CRAT: variants seen among roughly 807,000 people sequenced by gnomAD.
CRAT encodes carnitine acetylase.
CRAT carries 66 observed loss-of-function variants against 73.7 expected under a neutral mutation model. The observed-to-expected ratio is 0.90, with a 90% CI of 0.73 to 1.10. The LOEUF is 1.10. Ranked by LOEUF, CRAT falls within the 50% of genes least tolerant of loss-of-function variation. The pLI is 0.00. For synonymous variants in CRAT, 321 were observed against 343.2 expected, an observed-to-expected ratio of 0.94 and a Z score of 0.71; for missense variants, 745 against 846.9, an observed-to-expected ratio of 0.88 and a Z score of 1.49.
intron 2 of CRAT, among the ~76,000 whole-genome samples, chr9:129,105,847 T>A (rs1847979772): frequency 6.6e-6 from 1 of 151,946 alleles, no homozygotes; most frequent in South Asian, 2.1e-4. Flanking sequence ...GTCTGTCCTC[T>A]CTCTGGGGGG....
intron 1 of CRAT, chr9:129,108,800 C>T (rs1372924641): frequency 7.7e-7 from 1 of 1,304,294 alleles, no homozygotes; most frequent in Non-Finnish European, 1.0e-6. Context: ...CATGGCAGGA[C>T]TGAGGTTCTG....
chr9:129,103,543 T>C lies in CRAT; in HGVS notation c.411-477A>G, dbSNP rs897763971. 1.3e-5 allele frequency among the ~76,000 whole-genome samples: 2 copies of C among 152,120 alleles called. No individual in the cohort carries two copies. The highest frequency in any genetic ancestry group is 2.9e-5 in the Non-Finnish European group (2 of 68,000). Reference sequence around the variant, plus strand: ...GTCCCTTCCCCACTCTGGGCCTCTGTGTCCCCCAGGCCGCCTTCCTCCCAG... The same window carrying C: ...GTCCCTTCCCCACTCTGGGCCTCTGCGTCCCCCAGGCCGCCTTCCTCCCAG... On this transcript the variant is annotated intron_variant, in intron 3 of 13. Transcript: ENST00000318080. This position sits in a 1 kb window ranked among gnomAD's most constrained non-coding sequence, Gnocchi z 4.6.
In CRAT at chr9:129,106,442, C is replaced by T. The variant is rs1848017799; in HGVS notation, c.291+1372G>A. 6.6e-6 allele frequency among the ~76,000 whole-genome samples: 1 copy of T among 152,078 alleles called. No homozygotes were observed. The highest frequency in any genetic ancestry group is 2.4e-5 in the African/African-American group (1 of 41,416). ...AAGCTTGGGAGACCAGAGGAGACCC[C>T]GCAGGTATGGGTACTCCCCCAGCGA... On this transcript the variant is annotated intron_variant, in intron 2 of 13. Transcript: ENST00000318080. The surrounding 1 kb of genome is among the most constrained non-coding windows in gnomAD (Gnocchi z 4.0).
chr9:129,098,713 A>C, intron 8 of CRAT, 63 bp from the exon 9 acceptor site: 1 of 1,546,714 alleles, frequency 6.5e-7, no homozygotes, highest in Non-Finnish European at 8.7e-7. Flanking sequence ...CCATTCTGGG[A>C]CCAGGGTGGG....
rs755266497 is a variant in CRAT at position 129,098,065 on chromosome 9, G to T, written c.1412C>A (p.Ala471Asp). The T allele has an allele frequency of 3.7e-6, 6 of 1,614,072 alleles. No homozygotes were observed. Among genetic ancestry groups the T allele is most frequent in the Middle Eastern group, 3.3e-4 (2 of 6,060 alleles). Residue 471 changes from alanine (A) to aspartate (D), a missense_variant, in exon 11 of 14, where the codon GCT becomes GAT. Coordinates refer to ENST00000318080, the MANE Select transcript of CRAT (RefSeq NM_000755.5). ...GACAAAGGTGAGTGAGTCCATGGAA[G>T]CCGAGCGGATGGTGTCGGTGCGGCC... ...HLGRTDTIRS[A>D]SMDSLTFVKA...
rs200562096 is a variant in CRAT at position 129,099,989 on chromosome 9, C to T, written c.985-23G>A. ...GAACTGTGGAAGGGAAGGGAGACCC[C>T]GGTCAGCCCCAGGGCCCTGGGGGGT... On this transcript the variant is annotated intron_variant, in intron 7 of 13. Coordinates refer to ENST00000318080, the MANE Select transcript of CRAT (RefSeq NM_000755.5). The T allele has an allele frequency of 4.9e-4, 796 of 1,608,724 alleles. 4 individuals carry two copies. The African/African-American group carries it at 6.8e-3, about 14-fold the overall frequency.
At position 129,102,038 on chromosome 9, in the gene CRAT, T is replaced by C; in HGVS notation, c.650A>G (p.Tyr217Cys). 1 of 1,614,042 alleles carries C rather than the reference T, an allele frequency of 6.2e-7. No individual in the cohort carries two copies. Among genetic ancestry groups the C allele is most frequent in the Non-Finnish European group, 8.5e-7 (1 of 1,179,956 alleles). ...HNYQFFELDV[Y>C]HSDGTPLTAD... ...AGTGAGGGGTGTCCCGTCACTGTGGTACACATCCAGCTCAAAAAACTGTTG... is the reference window on the plus strand; with the variant it reads ...AGTGAGGGGTGTCCCGTCACTGTGGCACACATCCAGCTCAAAAAACTGTTG... The change falls in exon 6 of 14, where the codon TAC (tyrosine) becomes TGC (cysteine). Residue 217 changes from tyrosine (Y) to cysteine (C), a missense_variant. Tyr to Cys is a radical substitution (Grantham distance 194). Coordinates refer to ENST00000318080, the MANE Select transcript of CRAT (RefSeq NM_000755.5).
rs1848120162 is a variant in CRAT, at chr9:129,107,936, T to C, written c.169A>G (p.Ile57Val). The C allele has an allele frequency of 1.2e-6, 2 of 1,609,884 alleles. No individual in the cohort carries two copies. The highest frequency in any genetic ancestry group is 1.7e-6 in the Non-Finnish European group (2 of 1,179,762). ...TGGGCCCACTCCTCCTCACTCACGA[T>C]GGGCTGCAGCGCCTTCAGGTAGTGG... ...LDHYLKALQP[I>V]VSEEEWAHTK... is the part of the protein sequence containing the mutation. The change falls in exon 2 of 14, where the codon ATC (isoleucine) becomes GTC (valine). Residue 57 changes from isoleucine to valine, a missense_variant. By Grantham distance (29) the Ile-to-Val change is conservative (BLOSUM62 3). Transcript: ENST00000318080. This position sits in a 1 kb window ranked among gnomAD's most constrained non-coding sequence, Gnocchi z 5.0.
chr9:129,097,909 A>G (rs1847382228), intron 11 of CRAT, 104 bp downstream of exon 11: 3 of 1,492,644 alleles, frequency 2.0e-6, no homozygotes, highest in African/African-American at 1.4e-5. Flanking sequence ...CGTGCCCACC[A>G]TGGGGCTGGA....
At chr9:129,104,146 G>C in intron 3 of CRAT, 42 bp downstream of exon 3, 2 of 1,486,090 alleles carry the variant, frequency 1.3e-6, no homozygotes, top group Non-Finnish European at 1.8e-6. Flanking sequence ...GTGAACTCGA[G>C]GGGCCCGGCT....
chr9:129,105,841 G>T (rs1847979301), intron 2 of CRAT, among the ~76,000 whole-genome samples: 1 of 152,118 alleles, frequency 6.6e-6, no homozygotes, highest in Admixed American at 6.5e-5. Context: ...CTGACGGTCT[G>T]TCCTCTCTCT....
Position 129,106,479 on chromosome 9 carries a change from G to A in CRAT, c.291+1335C>T, listed in dbSNP as rs1440661399. On this transcript the variant is annotated intron_variant, in intron 2 of 13. Transcript: ENST00000318080. The surrounding 1 kb of genome is among the most constrained non-coding windows in gnomAD (Gnocchi z 4.0). ...TACTCCCCCAGCGAGAATCTGCCAG[G>A]TGGTGGCGGAGACCCTTCGGTGGCC... Among the ~76,000 whole-genome samples the A allele has an allele frequency of 6.6e-6, 1 of 152,182 alleles. No homozygotes were observed. The highest frequency in any genetic ancestry group is 1.5e-5 in the Non-Finnish European group (1 of 68,030).
In CRAT at chr9:129,096,126, C is replaced by T. The variant is rs766160049; in HGVS notation, c.1537G>A (p.Gly513Arg). The T allele has an allele frequency of 3.1e-6, 5 of 1,613,058 alleles. No homozygotes were observed. Among genetic ancestry groups the T allele is most frequent in the Admixed American group, 1.7e-5 (1 of 60,014 alleles). Residue 513 changes from glycine to arginine, a missense_variant, in exon 13 of 14, where the codon GGG becomes AGG. Coordinates refer to ENST00000318080, the MANE Select transcript of CRAT (RefSeq NM_000755.5). ...AGCAGGTGTCGATCAAAGGCCTCCC[C>T]GCGGATGGCCTGTTGGGGTGGGAGA... ...HRGYTDRAIR[G>R]EAFDRHLLGL...
intron 8 of CRAT, 151 bp from the exon 9 acceptor site, chr9:129,098,801 T>A (rs532346629): frequency 3.7e-5 from 27 of 721,836 alleles, no homozygotes; most frequent in East Asian, 2.1e-4. Flanking sequence ...TCACTTCAGC[T>A]TTTTTTTCTT....
At chr9:129,100,241 C>T in intron 7 of CRAT, 1 of 581,536 alleles carries the variant, frequency 1.7e-6, no homozygotes, top group Non-Finnish European at 3.0e-6. Context: ...ACTGTTGTGC[C>T]AGGATTGCAC....
chr9:129,098,709 T>G (rs907417692), intron 8 of CRAT, 59 bp from the exon 9 acceptor site: 2 of 1,553,724 alleles, frequency 1.3e-6, no homozygotes, highest in Admixed American at 4.5e-5. Context: ...GGGTCCATTC[T>G]GGGACCAGGG....
chr9:129,101,124 C>A (rs150744941), intron 6 of CRAT, among the ~76,000 whole-genome samples: 86 of 152,306 alleles, frequency 5.6e-4, no homozygotes, highest in Admixed American at 2.9e-3. Context: ...AGGACTTGGA[C>A]TCTAATCCTA....
At position 129,095,579 on chromosome 9, in the gene CRAT, C is replaced by G; in HGVS notation, c.1699G>C (p.Gly567Arg). ...CCGTAGCCGTCGGGGACCACGGGCC[C>G]GAAGAACATGACACAGTCTGTCTTG... ...PAKTDCVMFF[G>R]PVVPDGYGVC... is the part of the protein sequence containing the mutation. The change falls in exon 14 of 14, where the codon GGG (glycine) becomes CGG (arginine). Residue 567 changes from glycine to arginine, a missense_variant. Coordinates refer to ENST00000318080, the MANE Select transcript of CRAT (RefSeq NM_000755.5). The G allele has an allele frequency of 1.9e-6, 3 of 1,613,176 alleles. No homozygotes were observed. The highest frequency in any genetic ancestry group is 1.1e-5 in the South Asian group (1 of 91,074).
At position 129,098,059 on chromosome 9, in the gene CRAT, A is replaced by G. The variant is rs1847394620; in HGVS notation, c.1418T>C (p.Met473Thr). ...GRTDTIRSASMDSLTFVKAMD... is the reference protein window; with the variant it reads ...GRTDTIRSASTDSLTFVKAMD... ...GGCCTTGACAAAGGTGAGTGAGTCC[A>G]TGGAAGCCGAGCGGATGGTGTCGGT... is the stretch of plus-strand genomic sequence containing the variant. The change falls in exon 11 of 14, where the codon ATG becomes ACG. Residue 473 changes from methionine to threonine, a missense_variant. Coordinates refer to ENST00000318080, the MANE Select transcript of CRAT (RefSeq NM_000755.5). The G allele has an allele frequency of 6.2e-7, 1 of 1,614,070 alleles. No individual in the cohort carries two copies. The highest frequency in any genetic ancestry group is 8.5e-7 in the Non-Finnish European group (1 of 1,180,036).
Sources: gnomAD v4.1 joint callset for allele counts (sites outside exome capture counted in the v4.1 genomes callset) on GRCh38, gnomAD v4.1.1 for gene constraint, Gnocchi (gnomAD v3.1) non-coding constraint, MANE v1.5 for transcripts, NCBI Gene and HGNC (gene_info 2026-07-23, HGNC 2026-07-21) for gene names.